E2F3: variants seen among roughly 807,000 people sequenced by gnomAD.
The protein encoded by E2F3 is E2F transcription factor 3, also known as transcription factor E2F3.
Under a neutral mutation model 44.4 loss-of-function variants are expected in E2F3, and 11 were observed. The ratio of observed to expected loss-of-function variants is 0.25; its 90% CI spans 0.16 to 0.41. The LOEUF (loss-of-function observed/expected upper bound fraction) is 0.41, where lower values mean the gene tolerates loss of function less well. E2F3 is among the 10% of genes least tolerant of loss of function. The pLI is 1.00. For synonymous variants in E2F3, 249 were observed against 253.0 expected (o/e 0.98, Z 0.15); for missense variants, 487 against 583.6 (o/e 0.83, Z 1.70).
At chr6:20,432,344 C>T (rs1378295096) in intron 1 of E2F3, among the ~76,000 whole-genome samples, 7 of 152,164 alleles carry the variant, frequency 4.6e-5, no homozygotes, top group Non-Finnish European at 7.4e-5. Flanking sequence ...AGATTAACTG[C>T]GCAGCCTGTG....
At chr6:20,439,888 A>G (rs953658516) in intron 1 of E2F3, 1 of 152,186 alleles carries the variant, frequency 6.6e-6, no homozygotes, top group African/African-American at 2.4e-5. Flanking sequence ...GACAGTCCTC[A>G]TCCCATTTAA....
At chr6:20,462,402 A>G (rs138317870) in intron 1 of E2F3, among the ~76,000 whole-genome samples, 3 of 150,460 alleles carry the variant, frequency 2.0e-5, no homozygotes, top group African/African-American at 7.3e-5. Context: ...TCGGTTTTCT[A>G]TACTATTCTT....
At chr6:20,420,001 G>A (rs769673150) in intron 1 of E2F3, among the ~76,000 whole-genome samples, 32 of 152,186 alleles carry the variant, frequency 2.1e-4, no homozygotes, top group Non-Finnish European at 4.1e-4. Context: ...GAGTAGCTGG[G>A]ACTAGTGGCG....
intron 1 of E2F3, among the ~76,000 whole-genome samples, chr6:20,404,114 A>AG (rs148011173): frequency 0.33 from 46,011 of 139,604 alleles, 8,813 homozygotes; most frequent in Non-Finnish European, 0.43. Context: ...AGAAAACCGG[A>AG]GGGGGCTTCT....
At chr6:20,449,570 C>T (rs775825038) in intron 1 of E2F3, among the ~76,000 whole-genome samples, 3 of 152,058 alleles carry the variant, frequency 2.0e-5, no homozygotes, top group Non-Finnish European at 4.4e-5. Flanking sequence ...AGGATTTGGG[C>T]CAGCAGATAT....
intron 5 of E2F3, 142 bp from the exon 6 acceptor site, chr6:20,487,971 G>C: frequency 8.7e-7 from 1 of 1,154,576 alleles, no homozygotes; most frequent in East Asian, 2.4e-5. Flanking sequence ...GAGGATGACA[G>C]TCTTTCATAG....
intron 4 of E2F3, 112 bp from the exon 5 acceptor site, chr6:20,486,577 T>G: frequency 4.7e-6 from 3 of 638,004 alleles, no homozygotes; most frequent in Non-Finnish European, 2.7e-6. Context: ...CGGCCACATA[T>G]GCATACTTCT....
chr6:20,472,811 A>G (rs1339684015), intron 1 of E2F3, among the ~76,000 whole-genome samples: 2 of 152,218 alleles, frequency 1.3e-5, no homozygotes, highest in Non-Finnish European at 2.9e-5. Context: ...AAAAATGATT[A>G]TAGGAGAGGA....
At chr6:20,460,838 A>G (rs1012082592) in intron 1 of E2F3, among the ~76,000 whole-genome samples, 23 of 151,902 alleles carry the variant, frequency 1.5e-4, no homozygotes, top group African/African-American at 5.3e-4. Context: ...TCTACTAAAA[A>G]TACAAAAATT....
At chr6:20,404,893 G>T (rs1162972738) in intron 1 of E2F3, among the ~76,000 whole-genome samples, 1 of 152,148 alleles carries the variant, frequency 6.6e-6, no homozygotes, top group Non-Finnish European at 1.5e-5. Context: ...CATATTTTAA[G>T]CATATTTGAC....
At chr6:20,403,688 CT>C in intron 1 of E2F3, 1 of 593,020 alleles carries the variant, frequency 1.7e-6, no homozygotes, top group Non-Finnish European at 2.8e-6. Context: ...CACCGCCACC[CT>C]CCCTCTCCTC....
At chr6:20,417,867 A>C (rs945198557) in intron 1 of E2F3, among the ~76,000 whole-genome samples, 10 of 152,172 alleles carry the variant, frequency 6.6e-5, no homozygotes, top group African/African-American at 2.4e-4. Context: ...TTCGAAAAAT[A>C]TCTCTCTGAC....
At chr6:20,456,169 CTT>C in intron 1 of E2F3, among the ~76,000 whole-genome samples, 1 of 152,026 alleles carries the variant, frequency 6.6e-6, no homozygotes, top group Middle Eastern at 3.4e-3. Context: ...GGATGTGAAA[CTT>C]CAGATACGCT....
At chr6:20,443,241 T>C (rs943098668) in intron 1 of E2F3, among the ~76,000 whole-genome samples, 2 of 152,220 alleles carry the variant, frequency 1.3e-5, no homozygotes, top group Admixed American at 6.5e-5. Flanking sequence ...TGTCTCTTCA[T>C]GGAATTGTTC....
intron 4 of E2F3, among the ~76,000 whole-genome samples, chr6:20,483,995 G>C (rs1466377829): frequency 1.3e-5 from 2 of 152,222 alleles, no homozygotes; most frequent in African/African-American, 4.8e-5. Context: ...AGATGGAAGA[G>C]AGGCGTAGTG....
chr6:20,422,233 G>A (rs1359089773), intron 1 of E2F3, among the ~76,000 whole-genome samples: 1 of 152,280 alleles, frequency 6.6e-6, no homozygotes, highest in East Asian at 1.9e-4. Flanking sequence ...TTCCTTAAAG[G>A]TCGTGAACCA....
intron 6 of E2F3, among the ~76,000 whole-genome samples, chr6:20,489,669 A>G (rs2127628769): frequency 6.6e-6 from 1 of 152,268 alleles, no homozygotes; most frequent in Non-Finnish European, 1.5e-5. Context: ...AAAATGAGTG[A>G]GTAGACTAGG....
rs1321374765 is a variant in E2F3 at position 20,482,765 on chromosome 6, C to G, written c.729C>G (p.Gly243=). 15 of 1,603,428 alleles carry G rather than the reference C, an allele frequency of 9.4e-6. No homozygotes were observed. The highest frequency in any genetic ancestry group is 1.7e-5 in the Admixed American group (1 of 59,042). ...GAGTCTGTGTTTGGGTTTCTAGGGGCTGCAGTCTGTCTGAGGATGGGGGCA... is the reference window on the plus strand; with the variant it reads ...GAGTCTGTGTTTGGGTTTCTAGGGGGTGCAGTCTGTCTGAGGATGGGGGCA... ...KKSKNNVQWM[G]CSLSEDGGML... Residue 243 remains glycine (G), a synonymous_variant, in exon 4 of 7, where the codon GGC becomes GGG. Coordinates refer to ENST00000346618, the MANE Select transcript of E2F3 (RefSeq NM_001949.5).
intron 1 of E2F3, among the ~76,000 whole-genome samples, chr6:20,428,804 C>A (rs1415663310): frequency 6.6e-6 from 1 of 152,146 alleles, no homozygotes; most frequent in Non-Finnish European, 1.5e-5. Flanking sequence ...GAATTTTGGT[C>A]AACATGGATT....
Sources: gnomAD v4.1 joint callset for allele counts (sites outside exome capture counted in the v4.1 genomes callset) on GRCh38, gnomAD v4.1.1 for gene constraint, MANE v1.5 for transcripts, NCBI Gene and HGNC (gene_info 2026-07-23, HGNC 2026-07-21) for gene names.